Variants in PTPRG observed in about 807,000 individuals in gnomAD.
PTPRG encodes protein tyrosine phosphatase receptor type G, also known as receptor-type tyrosine-protein phosphatase gamma.
Under a neutral mutation model 165.3 loss-of-function variants are expected in PTPRG, and 102 were observed. The ratio of observed to expected loss-of-function variants is 0.62; its 90% CI spans 0.53 to 0.73. The LOEUF (loss-of-function observed/expected upper bound fraction) is 0.73. Among genes scored for constraint, PTPRG ranks in the 30% least tolerant of loss-of-function variants. The probability of loss-of-function intolerance (pLI) is 0.00; values close to 1 mark genes in which losing one functional copy is unlikely to be tolerated. For synonymous variants in PTPRG, 675 were observed against 669.5 expected, an observed-to-expected ratio of 1.01 and a Z score of -0.13; for missense variants, 1,866 against 1,861.4, an observed-to-expected ratio of 1.00 and a Z score of -0.05.
In PTPRG at chr3:61,680,802, G is replaced by C. The variant is rs1297373414; in HGVS notation, c.86-68076G>C. Among the ~76,000 whole-genome samples the C allele has an allele frequency of 4.0e-5, 3 of 74,316 alleles. 1 individual carries two copies. Among genetic ancestry groups the C allele is most frequent in the Non-Finnish European group, 1.1e-4 (3 of 27,042 alleles). 48.8% of individuals were successfully genotyped at this position (74,316 alleles called of 152,430 possible). ...CTAGGGTCACAGCAGGCAATAACTA[G>C]GGTTATTGGCACCCGGTTGGTGTTT... On this transcript the variant is annotated intron_variant, in intron 1 of 29. Transcript: ENST00000474889.
At chr3:61,584,208 A>G (rs1252946758) in intron 1 of PTPRG, among the ~76,000 whole-genome samples, 1 of 152,206 alleles carries the variant, frequency 6.6e-6, no homozygotes, top group Non-Finnish European at 1.5e-5. Context: ...CTGTAAGGAA[A>G]TGAGTAAAAC....
At chr3:62,193,497 G>C (rs931311969) in intron 9 of PTPRG, among the ~76,000 whole-genome samples, 5 of 152,192 alleles carry the variant, frequency 3.3e-5, no homozygotes, top group African/African-American at 1.2e-4. Context: ...TGCTGACTTA[G>C]TGGCAACAGA....
At chr3:62,204,357 C>A (rs1262697081) in intron 12 of PTPRG, among the ~76,000 whole-genome samples, 1 of 152,062 alleles carries the variant, frequency 6.6e-6, no homozygotes, top group African/African-American at 2.4e-5. Context: ...CCCAGGGGAT[C>A]CTAGTCCCTG....
Position 61,995,080 on chromosome 3 carries a change from C to CTTTTTTTTTTTTTTTT in PTPRG, c.370+5279_370+5280insTTTTTTTTTTTTTTTT, listed in dbSNP as rs1233679653. ...TTCTTTTTTCTTTTTTCTTTTCTTT[C>CTTTTTTTTTTTTTTTT]TTTCTTTTTTTTTTTTTTTTTTTTT... is the stretch of plus-strand genomic sequence containing the variant. On this transcript the variant is annotated intron_variant, in intron 3 of 29. Transcript: ENST00000474889. 5.6e-5 allele frequency among the ~76,000 whole-genome samples: 6 copies of CTTTTTTTTTTTTTTTT among 107,398 alleles called. 1 individual carries two copies. The highest frequency in any genetic ancestry group is 6.2e-4 in the South Asian group (2 of 3,206). 70.5% of individuals were successfully genotyped at this position (107,398 alleles called of 152,430 possible).
chr3:61,650,596 T>C (rs1702323679), intron 1 of PTPRG, among the ~76,000 whole-genome samples: 1 of 152,216 alleles, frequency 6.6e-6, no homozygotes, highest in Non-Finnish European at 1.5e-5. Context: ...AGTTTTGTGT[T>C]TGAGCCCATG....
At chr3:61,855,651 CTTTT>C (rs35525843) in intron 2 of PTPRG, among the ~76,000 whole-genome samples, 1 of 120,314 alleles carries the variant, frequency 8.3e-6, no homozygotes, top group Non-Finnish European at 1.7e-5. Context: ...AAGGGTAGGC[CTTTT>C]TTTTTTTTTT....
At chr3:61,930,708 T>A (rs2039338123) in intron 2 of PTPRG, among the ~76,000 whole-genome samples, 1 of 152,036 alleles carries the variant, frequency 6.6e-6, no homozygotes, top group South Asian at 2.1e-4. Flanking sequence ...ACAATTATAG[T>A]TAGAGAAATA....
chr3:61,987,420 T>A (rs1053935108), intron 2 of PTPRG, among the ~76,000 whole-genome samples: 1 of 152,214 alleles, frequency 6.6e-6, no homozygotes, highest in African/African-American at 2.4e-5. Flanking sequence ...TGAGAACTAA[T>A]ATGAATGGCA....
In PTPRG at chr3:62,237,063, C is replaced by G. The variant is rs1701050510; in HGVS notation, c.2375+5752C>G. 6.6e-6 allele frequency among the ~76,000 whole-genome samples: 1 copy of G among 152,194 alleles called. No individual in the cohort carries two copies. The highest frequency in any genetic ancestry group is 1.5e-5 in the Non-Finnish European group (1 of 68,034). ...TGTTCAGTCTTTCTGCACTCAAGTT[C>G]AGCACTTTGCTTCTGAAAAATATTG... On this transcript the variant is annotated intron_variant, in intron 14 of 29. Transcript: ENST00000474889. The surrounding 1 kb of genome is among the most constrained non-coding windows in gnomAD (Gnocchi z 4.5).
intron 1 of PTPRG, among the ~76,000 whole-genome samples, chr3:61,668,990 C>T (rs1325260090): frequency 1.3e-5 from 2 of 152,182 alleles, no homozygotes; most frequent in Non-Finnish European, 2.9e-5. Flanking sequence ...TCATTTATTA[C>T]ACTGAACTTT....
chr3:61,708,813 C>G (rs976535674), intron 1 of PTPRG, among the ~76,000 whole-genome samples: 5 of 152,138 alleles, frequency 3.3e-5, no homozygotes, highest in Non-Finnish European at 7.3e-5. Context: ...TGGAAGATAC[C>G]AGTCTGGATT....
chr3:62,179,457 G>C (rs1237627347), intron 8 of PTPRG, among the ~76,000 whole-genome samples: 4 of 152,232 alleles, frequency 2.6e-5, no homozygotes, highest in Non-Finnish European at 5.9e-5. Flanking sequence ...GGTATTATCA[G>C]GTGCACAGAG....
At chr3:61,792,213 T>G (rs956134714) in intron 2 of PTPRG, among the ~76,000 whole-genome samples, 1 of 150,712 alleles carries the variant, frequency 6.6e-6, no homozygotes, top group Non-Finnish European at 1.5e-5. Flanking sequence ...GAGTTGGGGG[T>G]GGGGGAAGGA....
chr3:61,713,245 C>G, intron 1 of PTPRG, among the ~76,000 whole-genome samples: 1 of 151,514 alleles, frequency 6.6e-6, no homozygotes, highest in Non-Finnish European at 1.5e-5. Flanking sequence ...ACTGCAACCT[C>G]CAGCTCCCTG....
chr3:62,261,254 T>C (rs1701689517), intron 16 of PTPRG, among the ~76,000 whole-genome samples: 1 of 152,186 alleles, frequency 6.6e-6, no homozygotes, highest in Non-Finnish European at 1.5e-5. Flanking sequence ...GACTAACTTG[T>C]TTCAAATCCA....
chr3:62,097,936 A>C (rs1220022883), intron 5 of PTPRG, among the ~76,000 whole-genome samples: 3 of 152,228 alleles, frequency 2.0e-5, no homozygotes, highest in African/African-American at 7.2e-5. Context: ...TTGAGTTATT[A>C]AAGCGGCAAG....
intron 1 of PTPRG, among the ~76,000 whole-genome samples, chr3:61,614,848 A>G (rs917886531): frequency 6.6e-6 from 1 of 152,222 alleles, no homozygotes; most frequent in Admixed American, 6.5e-5. Context: ...TTATAAAATT[A>G]GCATCCTCAT....
At chr3:62,115,542 C>T (rs2106872492) in intron 5 of PTPRG, among the ~76,000 whole-genome samples, 1 of 152,194 alleles carries the variant, frequency 6.6e-6, no homozygotes, top group East Asian at 1.9e-4. Flanking sequence ...ACTTCTATAT[C>T]TGCTTGAAAT....
chr3:61,576,939 G>A (rs902931049), intron 1 of PTPRG, among the ~76,000 whole-genome samples: 4 of 152,184 alleles, frequency 2.6e-5, no homozygotes, highest in Non-Finnish European at 5.9e-5. Flanking sequence ...AGATTATGGC[G>A]CTTGTAGGAG....
Sources: allele counts gnomAD v4.1 joint callset (sites outside exome capture counted in the v4.1 genomes callset), GRCh38; gene constraint gnomAD v4.1.1; non-coding constraint Gnocchi (gnomAD v3.1); transcripts MANE v1.5; gene names NCBI Gene and HGNC (gene_info 2026-07-23, HGNC 2026-07-21).